The following PDE7B variants were observed in gnomAD, a reference collection of about 807,000 sequenced individuals.
PDE7B encodes phosphodiesterase 7B.
In PDE7B, 29 loss-of-function variants were observed where a neutral mutation model predicts 56.2. The ratio of observed to expected loss-of-function variants is 0.52; its 90% CI spans 0.38 to 0.70. PDE7B has a LOEUF of 0.70. Ranked by LOEUF, PDE7B falls within the 30% of genes least tolerant of loss-of-function variation. PDE7B has a pLI of 0.00. For missense variants in PDE7B, 490 were observed against 565.0 expected (o/e 0.87, Z 1.35); for synonymous variants, 197 against 196.9 (o/e 1.00, Z 0.00).
intron 8 of PDE7B, among the ~76,000 whole-genome samples, chr6:136,167,555 T>C (rs549244512): frequency 2.0e-5 from 3 of 152,300 alleles, no homozygotes; most frequent in East Asian, 1.9e-4. Context: ...TCCCCAGCCA[T>C]GTGGAACTGT....
intron 1 of PDE7B, among the ~76,000 whole-genome samples, chr6:135,928,489 A>ATATATATATT (rs1774236251): frequency 2.4e-5 from 2 of 81,762 alleles, no homozygotes; most frequent in African/African-American, 9.1e-5. Context: ...ATATTTATTT[A>ATATATATATT]TATATATATA....
chr6:136,148,766 A>C (rs1020961269), intron 4 of PDE7B, among the ~76,000 whole-genome samples: 4 of 152,180 alleles, frequency 2.6e-5, no homozygotes, highest in African/African-American at 9.7e-5. Context: ...GAAAGGACAG[A>C]GGGCTGGAAG....
intron 1 of PDE7B, among the ~76,000 whole-genome samples, chr6:135,859,353 A>T (rs949733817): frequency 8.5e-5 from 13 of 152,150 alleles, no homozygotes; most frequent in African/African-American, 2.4e-4. Flanking sequence ...TTTTAGCTTC[A>T]TTCGGAAAAG....
intron 1 of PDE7B, among the ~76,000 whole-genome samples, chr6:135,861,672 A>G (rs536595373): frequency 1.3e-5 from 2 of 151,726 alleles, no homozygotes; most frequent in South Asian, 4.2e-4. Context: ...TTAACTTAAG[A>G]TTCTTCCCTA....
At chr6:136,105,748 A>T (rs576228618) in intron 2 of PDE7B, among the ~76,000 whole-genome samples, 34 of 152,196 alleles carry the variant, frequency 2.2e-4, no homozygotes, top group Non-Finnish European at 4.7e-4. Context: ...TCCTGTCAGT[A>T]CAGGAGCCCC....
chr6:136,171,976 T>C (rs1778891092), intron 8 of PDE7B, among the ~76,000 whole-genome samples: 1 of 152,102 alleles, frequency 6.6e-6, no homozygotes, highest in South Asian at 2.1e-4. Context: ...CTCATCATTT[T>C]TTATGGCTGC....
chr6:135,988,132 A>C (rs1775414812), intron 2 of PDE7B, among the ~76,000 whole-genome samples: 1 of 152,166 alleles, frequency 6.6e-6, no homozygotes. Context: ...CATATCATAG[A>C]ACTAATTGAA....
chr6:135,913,255 A>G (rs949108504), intron 1 of PDE7B, among the ~76,000 whole-genome samples: 12 of 152,098 alleles, frequency 7.9e-5, no homozygotes, highest in Admixed American at 1.3e-4. Flanking sequence ...AACTTACCCA[A>G]TGTCACACAG....
chr6:135,851,876 C>A lies in PDE7B; in HGVS notation c.-123C>A. 68 of 466,950 alleles carry A rather than the reference C, an allele frequency of 1.5e-4. No homozygotes were observed. Among genetic ancestry groups the A allele is most frequent in the East Asian group, 2.1e-4 (6 of 28,376 alleles). The allele number at this position is 466,950 out of a possible 1,614,324, so 28.9% of individuals were successfully genotyped here. ...TTTTTTTCTTTTTTTTTTTTTGTTA[C>A]TTAATTATATTCCTAATCCTGGATG... On this transcript the variant is annotated 5_prime_UTR_variant, in exon 1 of 13. Coordinates refer to ENST00000308191, the MANE Select transcript of PDE7B (RefSeq NM_018945.4).
At chr6:135,891,277 A>G (rs566291681) in intron 1 of PDE7B, among the ~76,000 whole-genome samples, 1 of 152,364 alleles carries the variant, frequency 6.6e-6, no homozygotes, top group Non-Finnish European at 1.5e-5. Context: ...AACAAAAATG[A>G]TTAGAAAAAG....
At chr6:136,126,723 G>T (rs1778028511) in intron 3 of PDE7B, among the ~76,000 whole-genome samples, 2 of 152,218 alleles carry the variant, frequency 1.3e-5, no homozygotes, top group African/African-American at 4.8e-5. Flanking sequence ...AACATCGTAT[G>T]TTCTCACTCA....
At chr6:136,123,728 ATTAAT>A (rs981960421) in intron 3 of PDE7B, among the ~76,000 whole-genome samples, 8 of 152,244 alleles carry the variant, frequency 5.3e-5, no homozygotes, top group African/African-American at 1.7e-4. Context: ...TTCAGAGTCA[ATTAAT>A]TTAAACAGCA....
At chr6:135,970,148 T>A (rs979361493) in intron 2 of PDE7B, among the ~76,000 whole-genome samples, 5 of 152,102 alleles carry the variant, frequency 3.3e-5, no homozygotes, top group African/African-American at 1.2e-4. Context: ...ATCCCTTGGG[T>A]CTCATAAAGT....
intron 1 of PDE7B, among the ~76,000 whole-genome samples, chr6:135,898,967 G>C (rs777378704): frequency 2.0e-5 from 3 of 152,070 alleles, no homozygotes; most frequent in Non-Finnish European, 2.9e-5. Flanking sequence ...ATGTGTTGAG[G>C]GGGGCGCCAG....
intron 1 of PDE7B, among the ~76,000 whole-genome samples, chr6:135,857,156 T>A (rs531364903): frequency 1.6e-4 from 24 of 152,028 alleles, no homozygotes; most frequent in African/African-American, 5.3e-4. Flanking sequence ...AAAAATAGAT[T>A]GGTAATGAGG....
At chr6:136,191,504 TA>T in intron 12 of PDE7B, 109 bp from the exon 13 acceptor site, 1 of 896,458 alleles carries the variant, frequency 1.1e-6, no homozygotes, top group Non-Finnish European at 1.8e-6. Flanking sequence ...CCATCTCTAC[TA>T]AAGATACAAA....
intron 1 of PDE7B, among the ~76,000 whole-genome samples, chr6:135,896,844 C>T (rs931155061): frequency 5.3e-5 from 8 of 152,138 alleles, no homozygotes; most frequent in African/African-American, 1.4e-4. Flanking sequence ...TTCCTTCCAG[C>T]TCCATCTCTG....
intron 2 of PDE7B, among the ~76,000 whole-genome samples, chr6:135,983,880 A>G (rs1056228678): frequency 6.6e-6 from 1 of 152,228 alleles, no homozygotes; most frequent in Admixed American, 6.5e-5. Context: ...GCAAGGCCCT[A>G]TGTTTACTCA....
In PDE7B at chr6:135,983,348, A is replaced by T. The variant is rs200301216; in HGVS notation, c.82+35824A>T. On this transcript the variant is annotated intron_variant, in intron 2 of 12. Coordinates refer to ENST00000308191, the MANE Select transcript of PDE7B (RefSeq NM_018945.4). ...ACCTGTCCATGTCCTAGCTAAAATC[A>T]TTCAGGTAATATATGTGAAATTAAT... Among the ~76,000 whole-genome samples the T allele has an allele frequency of 2.6e-5, 4 of 152,334 alleles. No individual in the cohort carries two copies. The East Asian group carries it at 5.8e-4, about 22-fold the overall frequency.
Sources: allele counts gnomAD v4.1 joint callset (sites outside exome capture counted in the v4.1 genomes callset), GRCh38; gene constraint gnomAD v4.1.1; transcripts MANE v1.5; gene names NCBI Gene and HGNC (gene_info 2026-07-23, HGNC 2026-07-21).